Variants in ZFYVE26 observed in about 807,000 individuals in gnomAD.
ZFYVE26 encodes zinc finger FYVE-type containing 26.
ZFYVE26 carries 181 observed loss-of-function variants against 276.5 expected under a neutral mutation model. That is an observed-to-expected ratio of 0.65 (90% CI 0.58 to 0.74). The LOEUF (loss-of-function observed/expected upper bound fraction) is 0.74, where lower values mean the gene tolerates loss of function less well. ZFYVE26 is among the 30% of genes least tolerant of loss of function. The pLI, the probability that ZFYVE26 is intolerant of heterozygous loss-of-function variation, is 0.00. For synonymous variants in ZFYVE26, 1,129 were observed against 1,203.1 expected (o/e 0.94, Z 1.27); for missense variants, 2,821 against 3,097.9 (o/e 0.91, Z 2.12).
chr14:67,776,186 G>C, intron 25 of ZFYVE26, 80 bp from the exon 26 acceptor site: 1 of 1,597,290 alleles, frequency 6.3e-7, no homozygotes. Context: ...ACTGGGAAGG[G>C]GAAGGGTGCA....
At position 67,794,209 on chromosome 14, in the gene ZFYVE26, A is replaced by G. The variant is rs771769750; in HGVS notation, c.2363T>C (p.Leu788Pro). The G allele has an allele frequency of 6.2e-7, 1 of 1,614,206 alleles. No individual in the cohort carries two copies. Among genetic ancestry groups the G allele is most frequent in the Non-Finnish European group, 8.5e-7 (1 of 1,180,018 alleles). ...GCTCAGCTCACTACTTGTACTTTCC[A>G]GGGATGGGTTTGAACCTCTGTCTCG... is the stretch of plus-strand genomic sequence containing the variant. Reference protein sequence around the residue: ...DGRDRGSNPSLESTSSELSTS... With the variant: ...DGRDRGSNPSPESTSSELSTS... The change falls in exon 13 of 42, where the codon CTG (leucine) becomes CCG (proline). Residue 788 changes from leucine (L) to proline (P), a missense_variant. By Grantham distance (98) the Leu-to-Pro change is moderately conservative. Coordinates refer to ENST00000347230, the MANE Select transcript of ZFYVE26 (RefSeq NM_015346.4).
At chr14:67,783,928 G>C (rs2039580097) in intron 20 of ZFYVE26, among the ~76,000 whole-genome samples, 1 of 152,154 alleles carries the variant, frequency 6.6e-6, no homozygotes, top group Non-Finnish European at 1.5e-5. Context: ...ATCCAAAATG[G>C]TTTGCTAAAT....
In ZFYVE26 at chr14:67,804,178, T is replaced by C. The variant is rs2040132148; in HGVS notation, c.1358A>G (p.Asn453Ser). Residue 453 changes from asparagine (N) to serine (S), a missense_variant, in exon 9 of 42, where the codon AAC becomes AGC. Transcript: ENST00000347230. ...SVLYTLHHLT[N>S]LPALREEDVL... ...ATCTTCCTCCCTGAGGGCTGGAAGG[T>C]TTGTAAGGTGATGGAGAGTGTAGAG... 2.5e-6 allele frequency: 4 copies of C among 1,614,106 alleles called. No homozygotes were observed. Among genetic ancestry groups the C allele is most frequent in the Non-Finnish European group, 3.4e-6 (4 of 1,180,020 alleles).
At chr14:67,787,851 C>T (rs2140230243) in intron 16 of ZFYVE26, among the ~76,000 whole-genome samples, 1 of 152,314 alleles carries the variant, frequency 6.6e-6, no homozygotes, top group Non-Finnish European at 1.5e-5. Context: ...AAGAGTTAAA[C>T]AGCAGGCTTG....
intron 40 of ZFYVE26, among the ~76,000 whole-genome samples, 160 bp downstream of exon 40, chr14:67,752,184 G>T (rs1034052334): frequency 1.3e-5 from 2 of 152,214 alleles, no homozygotes; most frequent in African/African-American, 4.8e-5. Flanking sequence ...TCTTTACAGG[G>T]AAGGGTCAAT....
Position 67,774,391 on chromosome 14 carries a change from C to T in ZFYVE26, c.5320+625G>A, listed in dbSNP as rs555261108. ...GCACACGCCTTTAATCCCAGCTACT[C>T]GGGAGGCTTAGGCAGAAGAATTGCT... On this transcript the variant is annotated intron_variant, in intron 27 of 41. Coordinates refer to ENST00000347230, the MANE Select transcript of ZFYVE26 (RefSeq NM_015346.4). 9.7e-4 allele frequency among the ~76,000 whole-genome samples: 148 copies of T among 152,218 alleles called. 1 individual carries two copies. The highest frequency in any genetic ancestry group is 3.5e-3 in the African/African-American group (145 of 41,548).
chr14:67,809,870 C>T (rs573302862), intron 3 of ZFYVE26, among the ~76,000 whole-genome samples: 32 of 150,314 alleles, frequency 2.1e-4, no homozygotes, highest in Non-Finnish European at 3.0e-4. Flanking sequence ...TTGCAACCTC[C>T]GCCTCCTGGG....
intron 22 of ZFYVE26, 103 bp downstream of exon 22, chr14:67,781,230 C>A: frequency 1.4e-6 from 2 of 1,395,780 alleles, no homozygotes; most frequent in Non-Finnish European, 2.0e-6. Context: ...AAAACCCAGA[C>A]CTATATTTTC....
At chr14:67,729,763 A>G (rs1315109215) in exon 14 of ZFYVE26, 4 of 505,348 alleles carry the variant, frequency 7.9e-6, no homozygotes, top group Non-Finnish European at 1.6e-5. Context: ...TGCTAGGGGA[A>G]CGTCCTCTCT....
downstream of ZFYVE26, among the ~76,000 whole-genome samples, chr14:67,743,266 T>C (rs1011622943): frequency 3.3e-5 from 5 of 152,192 alleles, no homozygotes; most frequent in Non-Finnish European, 7.4e-5. Flanking sequence ...GATGGGCCGA[T>C]TGCTTGAGCT....
At position 67,767,681 on chromosome 14, in the gene ZFYVE26, C is replaced by A. The variant is rs781222282; in HGVS notation, c.5790+23G>T. On this transcript the variant is annotated intron_variant, in intron 31 of 41. Transcript: ENST00000347230. The stretch of plus-strand genomic sequence containing the variant: ...ACACATCATAAAGAAACTTAAGTGA[C>A]CATTGCATTTTATTGCTATTACCTG... 3.7e-6 allele frequency: 6 copies of A among 1,613,966 alleles called. No individual in the cohort carries two copies. The African/African-American group carries it at 6.7e-5, about 18-fold the overall frequency.
rs2295110 is a variant in ZFYVE26 at position 67,784,296 on chromosome 14, G to A, written c.3626+38C>T. 23,785 of 1,556,192 alleles carry A rather than the reference G, an allele frequency of 0.015. 1,922 individuals carry two copies. The African/African-American group carries it at 0.21, about 14-fold the overall frequency. ...CTTGGCTATATTGATGAAATCATCC[G>A]AAGGCCCATGGCTGACTTGCATGGA... On this transcript the variant is annotated intron_variant, in intron 20 of 41. Coordinates refer to ENST00000347230, the MANE Select transcript of ZFYVE26 (RefSeq NM_015346.4).
rs1249545642 is a variant in ZFYVE26, at chr14:67,806,570, T to C, written c.992A>G (p.Asn331Ser). The C allele has an allele frequency of 1.9e-6, 3 of 1,614,118 alleles. No individual in the cohort carries two copies. Among genetic ancestry groups the C allele is most frequent in the African/African-American group, 2.7e-5 (2 of 74,934 alleles). The part of the protein sequence containing the change: ...KVAYFYCLSN[N>S]KHFLEQILVT... ...CAGAATCTGCTCGAGGAAGTGTTTG[T>C]TGTTGCTCAGGCAGTAGAAATAGGC... is the stretch of plus-strand genomic sequence containing the variant. Residue 331 changes from asparagine to serine, a missense_variant, in exon 6 of 42, where the codon AAC becomes AGC. Physicochemically the swap from Asn to Ser is conservative, Grantham distance 46. Transcript: ENST00000347230.
At chr14:67,795,826 A>T (rs1566891570) in intron 12 of ZFYVE26, among the ~76,000 whole-genome samples, 1 of 152,214 alleles carries the variant, frequency 6.6e-6, no homozygotes, top group Non-Finnish European at 1.5e-5. Context: ...GAGCTTTCTA[A>T]AATTGAAGAT....
chr14:67,804,051 A>C (rs376793539), intron 9 of ZFYVE26, 50 bp downstream of exon 9: 9 of 1,607,308 alleles, frequency 5.6e-6, no homozygotes, highest in Non-Finnish European at 7.7e-6. Context: ...AGAAATGTGT[A>C]AGAATGTCCT....
In ZFYVE26 at chr14:67,771,970, T is replaced by C. The variant is rs1474796; in HGVS notation, c.5484+77A>G. 1,550,479 of 1,559,700 alleles carry C rather than the reference T, an allele frequency of 0.99. 771,027 individuals are homozygous for C. The highest frequency in any genetic ancestry group is 1 in the East Asian group (43,020 of 43,020). On this transcript the variant is annotated intron_variant, in intron 28 of 41. Transcript: ENST00000347230. ...ATATTCTCCTGGGGACAGGCGGTGATTGTAAACTCAGGCTCATGAACTAGA... is the reference window on the plus strand; with the variant it reads ...ATATTCTCCTGGGGACAGGCGGTGACTGTAAACTCAGGCTCATGAACTAGA...
intron 35 of ZFYVE26, among the ~76,000 whole-genome samples, chr14:67,758,384 A>G (rs2038842601): frequency 6.6e-6 from 1 of 152,214 alleles, no homozygotes; most frequent in Non-Finnish European, 1.5e-5. Flanking sequence ...AAGAACTTCC[A>G]TGCCATCCAT....
At position 67,807,705 on chromosome 14, in the gene ZFYVE26, C is replaced by T; in HGVS notation, c.579G>A (p.Leu193=). 1 of 1,614,160 alleles carries T rather than the reference C, an allele frequency of 6.2e-7. No homozygotes were observed. The highest frequency in any genetic ancestry group is 1.1e-5 in the South Asian group (1 of 91,082). The change falls in exon 5 of 42, where the codon CTG becomes CTA. Residue 193 remains leucine (L), a synonymous_variant. Transcript: ENST00000347230. ...GCAATGCCTTTCGAATGAGGTCCAC[C>T]AGTGCATTCTGCAGAGGCCAGTGAC... ...GLCHWPLQNA[L]VDLIRKALRA...
chr14:67,799,922 G>A (rs2040044597), intron 10 of ZFYVE26, among the ~76,000 whole-genome samples: 2 of 152,194 alleles, frequency 1.3e-5, no homozygotes, highest in African/African-American at 2.4e-5. Context: ...TATCTAGGAT[G>A]TGGTTCTGTT....
Sources: gnomAD v4.1 joint callset for allele counts (sites outside exome capture counted in the v4.1 genomes callset) on GRCh38, gnomAD v4.1.1 for gene constraint, MANE v1.5 for transcripts, NCBI Gene and HGNC (gene_info 2026-07-23, HGNC 2026-07-21) for gene names.